GPC5: variants seen among roughly 807,000 people sequenced by gnomAD.
The protein encoded by GPC5 is glypican-5.
GPC5 carries 47 observed loss-of-function variants against 53.9 expected under a neutral mutation model. That is an observed-to-expected ratio of 0.87 (90% CI 0.69 to 1.11). The LOEUF is 1.11. Among genes scored for constraint, GPC5 ranks in the 50% most tolerant of loss-of-function variants. The pLI is 0.00. For missense variants in GPC5, 748 were observed against 713.1 expected, an observed-to-expected ratio of 1.05 and a Z score of -0.56; for synonymous variants, 286 against 263.3, an observed-to-expected ratio of 1.09 and a Z score of -0.84.
At chr13:92,792,794 T>C (rs543281087) in intron 7 of GPC5, among the ~76,000 whole-genome samples, 5 of 152,202 alleles carry the variant, frequency 3.3e-5, no homozygotes, top group Non-Finnish European at 5.9e-5. Flanking sequence ...AGGAAAGCCA[T>C]TACATAATGG....
intron 7 of GPC5, among the ~76,000 whole-genome samples, chr13:92,511,141 T>C (rs928872038): frequency 1.3e-5 from 2 of 152,220 alleles, no homozygotes; most frequent in Non-Finnish European, 2.9e-5. Flanking sequence ...GCTTTTAAAA[T>C]TCTTGAACAG....
At chr13:92,558,337 T>C (rs916884751) in intron 7 of GPC5, among the ~76,000 whole-genome samples, 15 of 152,026 alleles carry the variant, frequency 9.9e-5, no homozygotes, top group African/African-American at 3.4e-4. Context: ...CATTTTCTAA[T>C]AAAAGAAACT....
chr13:91,748,006 A>G (rs1223997217), intron 4 of GPC5, among the ~76,000 whole-genome samples: 1 of 152,188 alleles, frequency 6.6e-6, no homozygotes, highest in Non-Finnish European at 1.5e-5. Context: ...GAAAACCCAA[A>G]TGCTCAGTTC....
chr13:92,079,725 T>G (rs1463947869), intron 6 of GPC5, among the ~76,000 whole-genome samples: 3 of 152,228 alleles, frequency 2.0e-5, no homozygotes, highest in Non-Finnish European at 4.4e-5. Context: ...CCGCAGTGTA[T>G]AACATTTAAT....
At chr13:91,545,234 G>T (rs960981584) in intron 2 of GPC5, among the ~76,000 whole-genome samples, 5 of 152,118 alleles carry the variant, frequency 3.3e-5, no homozygotes, top group Non-Finnish European at 7.4e-5. Flanking sequence ...TTTAAAAACT[G>T]CCATAAGCAA....
At chr13:92,338,660 T>C (rs2043342039) in intron 7 of GPC5, among the ~76,000 whole-genome samples, 1 of 152,126 alleles carries the variant, frequency 6.6e-6, no homozygotes, top group Non-Finnish European at 1.5e-5. Flanking sequence ...ACCATGTGAT[T>C]CCCACAATAT....
intron 3 of GPC5, among the ~76,000 whole-genome samples, chr13:91,709,998 G>C (rs2036192493): frequency 6.6e-6 from 1 of 152,160 alleles, no homozygotes; most frequent in African/African-American, 2.4e-5. Flanking sequence ...CAAGTCTCCT[G>C]ACTTGCCCTC....
chr13:92,382,863 C>T (rs9523653), intron 7 of GPC5, among the ~76,000 whole-genome samples: 85,976 of 151,662 alleles, frequency 0.57, 24,838 homozygotes, highest in African/African-American at 0.66. Context: ...ATTAGCCAGG[C>T]GCGGTGGCGG....
At position 92,679,805 on chromosome 13, in the gene GPC5, C is replaced by T. The variant is rs190142845; in HGVS notation, c.1562-186477C>T. Among the ~76,000 whole-genome samples the T allele has an allele frequency of 2.4e-3, 371 of 152,016 alleles. 2 individuals are homozygous for T. The highest frequency in any genetic ancestry group is 4.0e-3 in the Non-Finnish European group (272 of 67,988). On this transcript the variant is annotated intron_variant, in intron 7 of 7. Transcript: ENST00000377067. ...TTACATGAATTGCTCTGTGAAAGAGCTCTCTCTCATGCACTCTCTCTCGCT... is the reference window on the plus strand; with the variant it reads ...TTACATGAATTGCTCTGTGAAAGAGTTCTCTCTCATGCACTCTCTCTCGCT...
At chr13:91,569,166 T>C (rs946222404) in intron 2 of GPC5, among the ~76,000 whole-genome samples, 19 of 152,122 alleles carry the variant, frequency 1.2e-4, no homozygotes, top group African/African-American at 3.4e-4. Context: ...TAGAAAGAAA[T>C]TGAACAACAG....
chr13:92,600,798 C>T (rs530376449), intron 7 of GPC5, among the ~76,000 whole-genome samples: 5 of 152,152 alleles, frequency 3.3e-5, no homozygotes, highest in East Asian at 1.9e-4. Context: ...TGAGCCACCA[C>T]GCCCAGCCTT....
chr13:92,475,909 C>T (rs1056852785), intron 7 of GPC5, among the ~76,000 whole-genome samples: 8 of 152,096 alleles, frequency 5.3e-5, no homozygotes, highest in African/African-American at 1.7e-4. Flanking sequence ...GGATTAAAGA[C>T]TTAAACGTTA....
chr13:92,118,214 G>C (rs1035192795), intron 6 of GPC5, among the ~76,000 whole-genome samples: 5 of 152,098 alleles, frequency 3.3e-5, no homozygotes, highest in African/African-American at 1.2e-4. Context: ...TCTACTGAAT[G>C]ACGTTTGTTT....
At chr13:91,569,569 C>G (rs1181611256) in intron 2 of GPC5, among the ~76,000 whole-genome samples, 1 of 152,062 alleles carries the variant, frequency 6.6e-6, no homozygotes, top group African/African-American at 2.4e-5. Flanking sequence ...AATGCATGTT[C>G]AAGAATCTAG....
At chr13:92,860,618 G>C (rs1879150340) in intron 7 of GPC5, among the ~76,000 whole-genome samples, 1 of 152,048 alleles carries the variant, frequency 6.6e-6, no homozygotes, top group African/African-American at 2.4e-5. Flanking sequence ...GCTAATGTTA[G>C]CATAAATGAC....
At chr13:92,162,040 TG>T (rs2041993444) in intron 7 of GPC5, among the ~76,000 whole-genome samples, 1 of 144,970 alleles carries the variant, frequency 6.9e-6, no homozygotes, top group Non-Finnish European at 1.5e-5. Flanking sequence ...CAAAATAGTA[TG>T]GATTTTGTAT....
Position 92,398,428 on chromosome 13 carries a change from C to CAAAAAAAAAAAA in GPC5, c.1561+253450_1561+253461dup, listed in dbSNP as rs35873316. On this transcript the variant is annotated intron_variant, in intron 7 of 7. Coordinates refer to ENST00000377067, the MANE Select transcript of GPC5 (RefSeq NM_004466.6). ...TGGGCGACAGAGCGAGACTCCGTCT[C>CAAAAAAAAAAAA]AAAAAAAAAAAAAAAAAAAAAATTA... Among the ~76,000 whole-genome samples, 325 of 87,598 alleles carry CAAAAAAAAAAAA rather than the reference C, an allele frequency of 3.7e-3. 2 individuals carry two copies. Among genetic ancestry groups the CAAAAAAAAAAAA allele is most frequent in the African/African-American group, 0.013 (251 of 19,634 alleles). 57.5% of individuals were successfully genotyped at this position (87,598 alleles called of 152,430 possible). A position where few individuals can be genotyped will look rare whatever the true frequency, so the allele number is the denominator to read the frequency against.
intron 7 of GPC5, among the ~76,000 whole-genome samples, chr13:92,293,768 C>T (rs1445854229): frequency 6.6e-6 from 1 of 152,012 alleles, no homozygotes; most frequent in Non-Finnish European, 1.5e-5. Context: ...TGTCTTGTTC[C>T]AGTTATCAGA....
chr13:91,412,545 C>G (rs1404205549), intron 1 of GPC5, among the ~76,000 whole-genome samples: 3 of 152,002 alleles, frequency 2.0e-5, no homozygotes, highest in African/African-American at 7.2e-5. Flanking sequence ...AACAAATACA[C>G]AAATATACCA....
Sources: allele counts gnomAD v4.1 joint callset (sites outside exome capture counted in the v4.1 genomes callset), GRCh38; gene constraint gnomAD v4.1.1; transcripts MANE v1.5; gene names NCBI Gene and HGNC (gene_info 2026-07-23, HGNC 2026-07-21).